The following CDH12 variants were observed in gnomAD, a reference collection of about 807,000 sequenced individuals.
CDH12 encodes cadherin 12.
CDH12 carries 41 observed loss-of-function variants against 74.1 expected under a neutral mutation model. The ratio of observed to expected loss-of-function variants is 0.55; its 90% CI spans 0.43 to 0.72. CDH12 has a LOEUF of 0.72. Ranked by LOEUF, CDH12 falls within the 30% of genes least tolerant of loss-of-function variation. CDH12 has a pLI of 0.00. For missense variants in CDH12, 945 were observed against 977.2 expected (o/e 0.97, Z 0.44); for synonymous variants, 399 against 355.0 (o/e 1.12, Z -1.39).
chr5:22,402,201 G>T (rs1742757423), intron 3 of CDH12, among the ~76,000 whole-genome samples: 1 of 152,170 alleles, frequency 6.6e-6, no homozygotes, highest in Non-Finnish European at 1.5e-5. Context: ...GTAGAATGTG[G>T]AGGCACCTCT....
intron 8 of CDH12, among the ~76,000 whole-genome samples, chr5:21,830,939 T>C (rs940285035): frequency 6.6e-6 from 1 of 151,850 alleles, no homozygotes; most frequent in Non-Finnish European, 1.5e-5. Flanking sequence ...CTCGGGAGGC[T>C]GAGGCAGAGA....
At chr5:22,823,299 G>T (rs982258448) in intron 1 of CDH12, among the ~76,000 whole-genome samples, 3 of 151,598 alleles carry the variant, frequency 2.0e-5, no homozygotes, top group Admixed American at 6.6e-5. Flanking sequence ...CGAGTTAATG[G>T]GTGCAGCGCA....
intron 3 of CDH12, among the ~76,000 whole-genome samples, chr5:22,358,304 G>A (rs1580560659): frequency 8.0e-6 from 1 of 125,660 alleles, no homozygotes; most frequent in East Asian, 2.4e-4. Context: ...AGATATTCAG[G>A]AGGTTGAGGC....
intron 4 of CDH12, among the ~76,000 whole-genome samples, chr5:22,089,521 T>C (rs867312115): frequency 5.9e-5 from 9 of 152,122 alleles, no homozygotes; most frequent in South Asian, 4.1e-4. Flanking sequence ...CAAATGAAAA[T>C]GTTATTAAAA....
rs544957998 is a variant in CDH12 at position 21,764,258 on chromosome 5, C to T, written c.1515+720G>A. On this transcript the variant is annotated intron_variant, in intron 12 of 14. Coordinates refer to ENST00000382254, the MANE Select transcript of CDH12 (RefSeq NM_004061.5). ...GCGTGGTTGCGCGCGCCTATAGTCC[C>T]AGCTACTCGGGAGGCTGAGGCACAA... Among the ~76,000 whole-genome samples the T allele has an allele frequency of 1.3e-4, 20 of 152,128 alleles. No individual in the cohort carries two copies. In the East Asian group the frequency reaches 3.9e-3, roughly 30 times the overall value.
chr5:21,830,043 A>T, intron 8 of CDH12, among the ~76,000 whole-genome samples: 1 of 151,652 alleles, frequency 6.6e-6, no homozygotes, highest in Non-Finnish European at 1.5e-5. Flanking sequence ...TACTAAAAAT[A>T]CAAAAATTAT....
At chr5:21,983,872 G>A (rs1032683840) in intron 5 of CDH12, among the ~76,000 whole-genome samples, 11 of 152,118 alleles carry the variant, frequency 7.2e-5, no homozygotes, top group African/African-American at 1.9e-4. Context: ...CACATATACC[G>A]CAGATACATT....
intron 1 of CDH12, among the ~76,000 whole-genome samples, chr5:22,735,961 C>A (rs1197857735): frequency 6.6e-6 from 1 of 151,752 alleles, no homozygotes; most frequent in East Asian, 1.9e-4. Flanking sequence ...ACGTCTCTGA[C>A]ACAAATATTA....
intron 5 of CDH12, among the ~76,000 whole-genome samples, chr5:22,023,769 T>C (rs1738159355): frequency 6.6e-6 from 1 of 152,108 alleles, no homozygotes; most frequent in Non-Finnish European, 1.5e-5. Flanking sequence ...ATTTTAGAGG[T>C]TAAATACAAC....
intron 1 of CDH12, among the ~76,000 whole-genome samples, chr5:22,650,606 C>A (rs937972894): frequency 6.6e-6 from 1 of 152,030 alleles, no homozygotes; most frequent in African/African-American, 2.4e-5. Flanking sequence ...GAAAAGAATT[C>A]TCTGCTCATT....
rs144270830 is a variant in CDH12 at position 22,233,523 on chromosome 5, A to G, written c.-332-20880T>C. Among the ~76,000 whole-genome samples, 707 of 152,246 alleles carry G rather than the reference A, an allele frequency of 4.6e-3. 8 individuals are homozygous for G. The highest frequency in any genetic ancestry group is 0.013 in the African/African-American group (520 of 41,572). ...TCAAGCTCACAGTTTACTAATAAAAATGTCATCAGTAAGTCAATGTTACTG... is the reference window on the plus strand; with the variant it reads ...TCAAGCTCACAGTTTACTAATAAAAGTGTCATCAGTAAGTCAATGTTACTG... On this transcript the variant is annotated intron_variant, in intron 3 of 14. Coordinates refer to ENST00000382254, the MANE Select transcript of CDH12 (RefSeq NM_004061.5).
intron 4 of CDH12, among the ~76,000 whole-genome samples, chr5:22,093,481 A>C (rs1743556656): frequency 6.6e-6 from 1 of 152,242 alleles, no homozygotes; most frequent in Non-Finnish European, 1.5e-5. Flanking sequence ...TATAGATGAA[A>C]TTTTAAAACA....
At chr5:22,408,951 C>T (rs1481810662) in intron 2 of CDH12, among the ~76,000 whole-genome samples, 1 of 151,928 alleles carries the variant, frequency 6.6e-6, no homozygotes, top group Non-Finnish European at 1.5e-5. Context: ...TACAATAAGG[C>T]ATACTGACTT....
At chr5:21,972,594 G>A (rs1165964633) in intron 6 of CDH12, among the ~76,000 whole-genome samples, 1 of 152,176 alleles carries the variant, frequency 6.6e-6, no homozygotes, top group Non-Finnish European at 1.5e-5. Context: ...TAGGAACATA[G>A]ATGTAAGTTC....
chr5:22,836,213 C>CTCTTTT (rs1402972549), intron 1 of CDH12, among the ~76,000 whole-genome samples: 18 of 37,944 alleles, frequency 4.7e-4, no homozygotes, highest in Non-Finnish European at 8.4e-4. Flanking sequence ...TTCTTTTTTT[C>CTCTTTT]TTTCTTTCTC....
At chr5:22,124,448 T>C (rs1745723656) in intron 4 of CDH12, among the ~76,000 whole-genome samples, 1 of 152,094 alleles carries the variant, frequency 6.6e-6, no homozygotes, top group Non-Finnish European at 1.5e-5. Context: ...CAAAACCAGC[T>C]TACTTCCTGA....
chr5:22,821,367 G>A (rs1749692170), intron 1 of CDH12, among the ~76,000 whole-genome samples: 1 of 152,088 alleles, frequency 6.6e-6, no homozygotes, highest in African/African-American at 2.4e-5. Context: ...TCAACATAGT[G>A]TTGCAAGTTC....
At chr5:22,393,284 T>A (rs1332757255) in intron 3 of CDH12, among the ~76,000 whole-genome samples, 2 of 152,130 alleles carry the variant, frequency 1.3e-5, no homozygotes, top group African/African-American at 2.4e-5. Context: ...GAAGTGGCCA[T>A]AAGCCAAGGA....
intron 5 of CDH12, among the ~76,000 whole-genome samples, chr5:21,981,960 C>T (rs964657210): frequency 3.3e-5 from 5 of 152,164 alleles, no homozygotes; most frequent in Admixed American, 3.3e-4. Context: ...AGGTGTGAGA[C>T]ACCCTGTGTG....
Sources: allele counts gnomAD v4.1 joint callset (sites outside exome capture counted in the v4.1 genomes callset), GRCh38; gene constraint gnomAD v4.1.1; transcripts MANE v1.5; gene names NCBI Gene and HGNC (gene_info 2026-07-23, HGNC 2026-07-21).